The following FAM3C variants were observed in gnomAD, a reference collection of about 807,000 sequenced individuals.
FAM3C encodes the protein FAM3 metabolism regulating signaling molecule C.
In FAM3C, 15 loss-of-function variants were observed where a neutral mutation model predicts 32.5. That is an observed-to-expected ratio of 0.46 (90% confidence interval 0.31 to 0.71). The LOEUF (loss-of-function observed/expected upper bound fraction) is 0.71. Ranked by LOEUF, FAM3C falls within the 30% of genes least tolerant of loss-of-function variation. The pLI is 0.05. For missense variants in FAM3C, 175 were observed against 274.4 expected (o/e 0.64, Z 2.56); for synonymous variants, 75 against 86.1 (o/e 0.87, Z 0.72).
chr7:121,362,399 A>G (rs1584693192), intron 7 of FAM3C, among the ~76,000 whole-genome samples: 1 of 152,204 alleles, frequency 6.6e-6, no homozygotes, highest in East Asian at 1.9e-4. Flanking sequence ...TAGAACTGTG[A>G]TGAATAATAG....
Position 121,351,135 on chromosome 7 carries a change from A to G in FAM3C, c.594+8T>C. On this transcript the variant is annotated splice_region_variant and intron_variant, in intron 9 of 9. Transcript: ENST00000359943. ...TTTTTGTTAATTCTGAGAGTCTATG[A>G]CACTAACCTGTTCAAAAGGGCTTTT... The G allele has an allele frequency of 6.2e-7, 1 of 1,612,330 alleles. No individual in the cohort carries two copies. The highest frequency in any genetic ancestry group is 8.5e-7 in the Non-Finnish European group (1 of 1,179,278).
chr7:121,359,967 A>ATTT, intron 8 of FAM3C, 76 bp downstream of exon 8: 5 of 756,022 alleles, frequency 6.6e-6, no homozygotes, highest in African/African-American at 3.8e-5. Flanking sequence ...TATGTTACAG[A>ATTT]TTTTTTTTTA....
intron 5 of FAM3C, among the ~76,000 whole-genome samples, chr7:121,368,756 G>GA (rs1346274904): frequency 6.6e-6 from 1 of 151,746 alleles, no homozygotes; most frequent in Admixed American, 6.6e-5. Context: ...TAGGGCCTTC[G>GA]AGCAGGCTTC....
rs1793648477 is a variant in FAM3C at position 121,349,248 on chromosome 7, A to G, written c.*1213T>C. 6.6e-6 allele frequency: 1 copy of G among 152,528 alleles called. No individual in the cohort carries two copies. The highest frequency in any genetic ancestry group is 1.5e-5 in the Non-Finnish European group (1 of 68,018). 9.4% of individuals were successfully genotyped at this position (152,528 alleles called of 1,614,324 possible). ...GTTCGAAATTTAAGTGCTGCCTTACACTGTGAATGGCAGTTTGATCACTAA... is the reference window on the plus strand; with the variant it reads ...GTTCGAAATTTAAGTGCTGCCTTACGCTGTGAATGGCAGTTTGATCACTAA... On this transcript the variant is annotated 3_prime_UTR_variant, in exon 10 of 10. Transcript: ENST00000359943.
intron 5 of FAM3C, among the ~76,000 whole-genome samples, chr7:121,369,260 C>T (rs886770546): frequency 8.5e-5 from 13 of 152,148 alleles, no homozygotes; most frequent in Middle Eastern, 3.4e-3. Context: ...GGATTACAGG[C>T]ATGAGCCACC....
At chr7:121,361,068 T>C (rs754261795) in intron 7 of FAM3C, among the ~76,000 whole-genome samples, 1 of 152,218 alleles carries the variant, frequency 6.6e-6, no homozygotes, top group Non-Finnish European at 1.5e-5. Flanking sequence ...AAACTAATTG[T>C]AGCAAATATT....
At chr7:121,352,028 A>T (rs1793717194) in intron 8 of FAM3C, among the ~76,000 whole-genome samples, 1 of 152,190 alleles carries the variant, frequency 6.6e-6, no homozygotes, top group African/African-American at 2.4e-5. Flanking sequence ...AAAAAGAAGA[A>T]GAAGAAAAAA....
At chr7:121,366,938 G>T (rs1199934341) in intron 5 of FAM3C, among the ~76,000 whole-genome samples, 2 of 152,146 alleles carry the variant, frequency 1.3e-5, no homozygotes, top group African/African-American at 4.8e-5. Context: ...GATCATCAAG[G>T]AGTATGATGT....
intron 5 of FAM3C, among the ~76,000 whole-genome samples, chr7:121,365,277 G>A (rs965303222): frequency 6.6e-6 from 1 of 152,060 alleles, no homozygotes; most frequent in South Asian, 2.1e-4. Flanking sequence ...ATGTTAATAA[G>A]ATAAAATAAA....
At chr7:121,391,988 T>C (rs1794586624) in intron 1 of FAM3C, among the ~76,000 whole-genome samples, 1 of 152,216 alleles carries the variant, frequency 6.6e-6, no homozygotes, top group African/African-American at 2.4e-5. Context: ...ATTACATATC[T>C]AGGGGACCTT....
upstream of FAM3C, chr7:121,396,328 C>T (rs933523203): frequency 6.6e-6 from 1 of 152,116 alleles, no homozygotes; most frequent in Admixed American, 6.5e-5. Context: ...AAAGCCAGCT[C>T]GCCGCTGGGC....
rs996293801 is a variant in FAM3C, at chr7:121,349,700, G to A, written c.*761C>T. ...CTGTCCTGAATGACCTAATTAGGTT[G>A]GGGAGGGGACTTGGCCTGGTTCTCC... On this transcript the variant is annotated 3_prime_UTR_variant, in exon 10 of 10. Coordinates refer to ENST00000359943, the MANE Select transcript of FAM3C (RefSeq NM_014888.3). 3.3e-5 allele frequency: 5 copies of A among 151,652 alleles called. No homozygotes were observed. Among genetic ancestry groups the A allele is most frequent in the African/African-American group, 1.2e-4 (5 of 41,260 alleles). 9.4% of individuals were successfully genotyped at this position (151,652 alleles called of 1,614,324 possible).
intron 5 of FAM3C, among the ~76,000 whole-genome samples, chr7:121,366,268 T>C (rs1157959747): frequency 1.3e-5 from 2 of 152,134 alleles, no homozygotes; most frequent in Non-Finnish European, 2.9e-5. Flanking sequence ...CTCATTATAG[T>C]TAAAAAGTGG....
chr7:121,392,108 G>A (rs553545501), intron 1 of FAM3C, among the ~76,000 whole-genome samples: 1 of 152,242 alleles, frequency 6.6e-6, no homozygotes, highest in African/African-American at 2.4e-5. Context: ...GATTCCCCTG[G>A]TGGAGCTCCC....
rs1220340467 is a variant in FAM3C, at chr7:121,350,536, A to C, written c.609T>G (p.Asn203Lys). ...KSPFEQHIKNNKDTNKYEGWP... is the reference protein window; with the variant it reads ...KSPFEQHIKNKKDTNKYEGWP... Reference sequence around the variant, plus strand: ...ATCCTTCATATTTGTTTGTATCCTTATTGTTCTTTATGTGCTATTGGAACA... The same window carrying C: ...ATCCTTCATATTTGTTTGTATCCTTCTTGTTCTTTATGTGCTATTGGAACA... The change falls in exon 10 of 10, where the codon AAT becomes AAG. Residue 203 changes from asparagine (N) to lysine (K), a missense_variant. Coordinates refer to ENST00000359943, the MANE Select transcript of FAM3C (RefSeq NM_014888.3). 6.2e-7 allele frequency: 1 copy of C among 1,612,838 alleles called. No individual in the cohort carries two copies. Among genetic ancestry groups the C allele is most frequent in the East Asian group, 2.2e-5 (1 of 44,814 alleles).
At chr7:121,374,330 C>T (rs1384214769) in intron 3 of FAM3C, among the ~76,000 whole-genome samples, 1 of 152,114 alleles carries the variant, frequency 6.6e-6, no homozygotes, top group African/African-American at 2.4e-5. Context: ...AATTCATAAT[C>T]GACATTGGTA....
At chr7:121,384,088 G>A (rs752782923) in intron 1 of FAM3C, among the ~76,000 whole-genome samples, 2 of 152,122 alleles carry the variant, frequency 1.3e-5, no homozygotes, top group Non-Finnish European at 2.9e-5. Flanking sequence ...GCTTCAGCAG[G>A]GTTCTGGGGG....
chr7:121,350,707 G>A (rs1445744355), intron 9 of FAM3C, among the ~76,000 whole-genome samples, 157 bp from the exon 10 acceptor site: 1 of 152,200 alleles, frequency 6.6e-6, no homozygotes, highest in Non-Finnish European at 1.5e-5. Flanking sequence ...CCCTCAGGCT[G>A]TATCACATAC....
chr7:121,351,027 A>G (rs1282113078), intron 9 of FAM3C, 116 bp downstream of exon 9: 1 of 931,718 alleles, frequency 1.1e-6, no homozygotes, highest in East Asian at 2.5e-5. Context: ...TATGACAAAT[A>G]TATGATCATA....
Sources: allele counts gnomAD v4.1 joint callset (sites outside exome capture counted in the v4.1 genomes callset), GRCh38; gene constraint gnomAD v4.1.1; transcripts MANE v1.5; gene names NCBI Gene and HGNC (gene_info 2026-07-23, HGNC 2026-07-21).